SMIM41: variants seen among roughly 807,000 people sequenced by gnomAD.
SMIM41 encodes small integral membrane protein 41.
At position 52,081,408 on chromosome 12, in the gene SMIM41, GACA is replaced by G. The variant is rs1939817592; in HGVS notation, c.*120+1230_*120+1232del. On this transcript the variant is annotated intron_variant, in intron 1 of 2. Coordinates refer to ENST00000546390, the MANE Select transcript of SMIM41 (RefSeq NM_001369216.1). This position sits in a 1 kb window ranked among gnomAD's most constrained non-coding sequence, Gnocchi z 4.1. ...GCAGCTAAGCAGCTGCGAAGCTAACGACAACGTGTGATCCCTGCCCAGCAGCCC... is the reference window on the plus strand; with the variant it reads ...GCAGCTAAGCAGCTGCGAAGCTAACGACGTGTGATCCCTGCCCAGCAGCCC... Among the ~76,000 whole-genome samples, 1 of 152,088 alleles carries G rather than the reference GACA, an allele frequency of 6.6e-6. No homozygotes were observed. The highest frequency in any genetic ancestry group is 2.1e-4 in the South Asian group (1 of 4,834).
rs953547000 is a variant in SMIM41, at chr12:52,081,875, T to C, written c.*120+1694T>C. ...CCCTGATTCCAAGTTCAGGCCCCCT[T>C]CTGGCACTTGGGGGCCCCTCTCACT... On this transcript the variant is annotated intron_variant, in intron 1 of 2. Coordinates refer to ENST00000546390, the MANE Select transcript of SMIM41 (RefSeq NM_001369216.1). This position sits in a 1 kb window ranked among gnomAD's most constrained non-coding sequence, Gnocchi z 4.1. Among the ~76,000 whole-genome samples, 2 of 152,160 alleles carry C rather than the reference T, an allele frequency of 1.3e-5. No individual in the cohort carries two copies. Among genetic ancestry groups the C allele is most frequent in the Non-Finnish European group, 2.9e-5 (2 of 68,018 alleles).
intron 2 of SMIM41, among the ~76,000 whole-genome samples, chr12:52,088,175 A>T (rs1418878526): frequency 6.6e-6 from 1 of 152,188 alleles, no homozygotes; most frequent in East Asian, 1.9e-4. Flanking sequence ...CCTTCAGTGT[A>T]CCTGTAAGCA....
At chr12:52,103,323 T>C (rs1348622382) in intron 2 of SMIM41, among the ~76,000 whole-genome samples, 2 of 139,156 alleles carry the variant, frequency 1.4e-5, no homozygotes, top group African/African-American at 5.5e-5. Flanking sequence ...TGAGACTCCA[T>C]GTAAACACAA....
chr12:52,100,156 C>G (rs1294843319), intron 2 of SMIM41, among the ~76,000 whole-genome samples: 3 of 152,100 alleles, frequency 2.0e-5, no homozygotes, highest in Non-Finnish European at 4.4e-5. Flanking sequence ...TAATATCATT[C>G]TTTTCCTCTC....
chr12:52,100,396 A>G (rs1940194122), intron 2 of SMIM41, among the ~76,000 whole-genome samples: 1 of 152,082 alleles, frequency 6.6e-6, no homozygotes, highest in African/African-American at 2.4e-5. Flanking sequence ...CCTTCCCTGG[A>G]TATTAGAAAA....
chr12:52,101,260 C>T (rs1940211728), intron 2 of SMIM41, among the ~76,000 whole-genome samples: 2 of 152,124 alleles, frequency 1.3e-5, no homozygotes, highest in South Asian at 2.1e-4. Context: ...CCCGTCTCTA[C>T]TAAAAACACA....
chr12:52,103,275 C>T (rs1447787730), intron 2 of SMIM41, among the ~76,000 whole-genome samples: 1 of 149,404 alleles, frequency 6.7e-6, no homozygotes, highest in Non-Finnish European at 1.5e-5. Context: ...TGCAGTGAGC[C>T]CAGATTGTGC....
Position 52,081,778 on chromosome 12 carries a change from C to T in SMIM41, c.*120+1597C>T, listed in dbSNP as rs1939822927. Among the ~76,000 whole-genome samples, 1 of 152,156 alleles carries T rather than the reference C, an allele frequency of 6.6e-6. No homozygotes were observed. The highest frequency in any genetic ancestry group is 1.5e-5 in the Non-Finnish European group (1 of 68,030). ...AGGGTCTCCAGATCACTGGGAACCC[C>T]TTTCTTTTACACGCGGGAGAACAGT... is the stretch of plus-strand genomic sequence containing the variant. On this transcript the variant is annotated intron_variant, in intron 1 of 2. Coordinates refer to ENST00000546390, the MANE Select transcript of SMIM41 (RefSeq NM_001369216.1). This position sits in a 1 kb window ranked among gnomAD's most constrained non-coding sequence, Gnocchi z 4.1.
intron 2 of SMIM41, among the ~76,000 whole-genome samples, chr12:52,101,743 G>A (rs565842804): frequency 2.0e-5 from 3 of 151,074 alleles, no homozygotes; most frequent in Non-Finnish European, 4.4e-5. Context: ...ATGGAGTTTC[G>A]CTCTTGTTGC....
At chr12:52,094,643 A>C (rs553245306) in intron 2 of SMIM41, 1 of 152,814 alleles carries the variant, frequency 6.5e-6, no homozygotes, top group South Asian at 2.1e-4. Context: ...CTTGTGGCTG[A>C]CCATTCATTG....
At chr12:52,090,682 G>A (rs555735810) in intron 2 of SMIM41, among the ~76,000 whole-genome samples, 30 of 152,260 alleles carry the variant, frequency 2.0e-4, no homozygotes, top group African/African-American at 6.7e-4. Flanking sequence ...TGCTCTGCTC[G>A]AACCAGAGCA....
intron 2 of SMIM41, among the ~76,000 whole-genome samples, chr12:52,093,086 T>C (rs1204529721): frequency 6.6e-6 from 1 of 152,104 alleles, no homozygotes; most frequent in Non-Finnish European, 1.5e-5. Context: ...TAGTCCCAGC[T>C]ACTCGAGAGG....
intron 2 of SMIM41, among the ~76,000 whole-genome samples, chr12:52,097,179 G>A (rs1424588510): frequency 2.6e-5 from 4 of 152,054 alleles, no homozygotes; most frequent in Non-Finnish European, 5.9e-5. Context: ...AATATTCAGG[G>A]GGGAAGAGTA....
At chr12:52,103,754 G>GTAAATAAA (rs747469326) in intron 2 of SMIM41, among the ~76,000 whole-genome samples, 6 of 149,830 alleles carry the variant, frequency 4.0e-5, no homozygotes, top group East Asian at 2.0e-4. Context: ...ACTGTCTCCA[G>GTAAATAAA]TAAATAAATA....
chr12:52,105,712 CACTGCACTTCCAGCCTGGGCA>C (rs1242454531), intron 2 of SMIM41, among the ~76,000 whole-genome samples: 3 of 152,144 alleles, frequency 2.0e-5, no homozygotes, highest in Non-Finnish European at 4.4e-5. Flanking sequence ...GAGATCACTC[CACTGCACTTCCAGCCTGGGCA>C]ACAGAATGAG....
rs905778538 is a variant in SMIM41, at chr12:52,107,741, T to G, written c.*558T>G. 1 of 414,918 alleles carries G rather than the reference T, an allele frequency of 2.4e-6. No homozygotes were observed. Among genetic ancestry groups the G allele is most frequent in the Non-Finnish European group, 4.7e-6 (1 of 214,684 alleles). 25.7% of individuals were successfully genotyped at this position (414,918 alleles called of 1,614,324 possible). ...CACCCTCTATATCATTCAGCCATCA[T>G]GAACCTGTGTTTCTGTGGCTTCCTA... On this transcript the variant is annotated 3_prime_UTR_variant, in exon 3 of 3. Transcript: ENST00000546390.
Position 52,107,359 on chromosome 12 carries a change from C to T in SMIM41, c.*196-20C>T. On this transcript the variant is annotated intron_variant, in intron 2 of 2. Coordinates refer to ENST00000546390, the MANE Select transcript of SMIM41 (RefSeq NM_001369216.1). ...CAGACCCACAGAATCTAACAGATGT[C>T]TCTATATTCCTCCTCCTAGAACCTC... 1 of 511,138 alleles carries T rather than the reference C, an allele frequency of 2.0e-6. No individual in the cohort carries two copies. The highest frequency in any genetic ancestry group is 3.9e-6 in the Non-Finnish European group (1 of 257,392). 31.7% of individuals were successfully genotyped at this position (511,138 alleles called of 1,614,324 possible). A position where few individuals can be genotyped will look rare whatever the true frequency, so the allele number is the denominator to read the frequency against.
intron 2 of SMIM41, among the ~76,000 whole-genome samples, chr12:52,090,302 C>T (rs1434582196): frequency 6.6e-6 from 1 of 152,076 alleles, no homozygotes; most frequent in Non-Finnish European, 1.5e-5. Flanking sequence ...AGGCTGGTCT[C>T]GAACTCCTGA....
At chr12:52,087,766 C>A (rs1565666075) in intron 2 of SMIM41, 1 of 152,240 alleles carries the variant, frequency 6.6e-6, no homozygotes, top group African/African-American at 2.4e-5. Context: ...ATGAAGGGCA[C>A]CTTAGTGTCT....
Sources: gnomAD v4.1 joint callset for allele counts (sites outside exome capture counted in the v4.1 genomes callset) on GRCh38, gnomAD v4.1.1 for gene constraint, Gnocchi (gnomAD v3.1) non-coding constraint, MANE v1.5 for transcripts, NCBI Gene and HGNC (gene_info 2026-07-23, HGNC 2026-07-21) for gene names.